Variants in UNC5C observed in about 807,000 individuals in gnomAD.
The protein encoded by UNC5C is unc-5 netrin receptor C.
UNC5C carries 47 observed loss-of-function variants against 99.8 expected under a neutral mutation model. The observed-to-expected ratio is 0.47, with a 90% CI of 0.37 to 0.60. The LOEUF (loss-of-function observed/expected upper bound fraction) is 0.60, where lower values mean the gene tolerates loss of function less well. UNC5C is among the 20% of genes least tolerant of loss of function. The pLI is 0.00. For missense variants in UNC5C, 1,062 were observed against 1,165.9 expected (o/e 0.91, Z 1.30); for synonymous variants, 487 against 452.2 (o/e 1.08, Z -0.98).
intron 1 of UNC5C, among the ~76,000 whole-genome samples, chr4:95,397,889 C>T (rs1246259091): frequency 6.6e-6 from 1 of 152,082 alleles, no homozygotes; most frequent in African/African-American, 2.4e-5. Context: ...TTCTTTAAAA[C>T]TCATCTATAT....
intron 10 of UNC5C, among the ~76,000 whole-genome samples, chr4:95,208,290 A>C (rs1737951970): frequency 6.6e-6 from 1 of 152,226 alleles, no homozygotes; most frequent in Non-Finnish European, 1.5e-5. Context: ...TAGTATGGTT[A>C]AGCATTTCCT....
At chr4:95,484,636 C>T (rs1358845656) in intron 1 of UNC5C, among the ~76,000 whole-genome samples, 1 of 151,804 alleles carries the variant, frequency 6.6e-6, no homozygotes, top group Non-Finnish European at 1.5e-5. Flanking sequence ...ATAAGAAGCT[C>T]CTCTAGTATC....
intron 2 of UNC5C, among the ~76,000 whole-genome samples, chr4:95,324,832 G>A (rs985754880): frequency 1.3e-5 from 2 of 152,110 alleles, no homozygotes; most frequent in African/African-American, 4.8e-5. Flanking sequence ...TGAATCTGCT[G>A]GATCTTGGAT....
At chr4:95,355,800 A>T (rs1434453324) in intron 1 of UNC5C, among the ~76,000 whole-genome samples, 2 of 152,138 alleles carry the variant, frequency 1.3e-5, no homozygotes, top group Non-Finnish European at 2.9e-5. Context: ...GAGATTCCTA[A>T]AACTATGTTT....
At chr4:95,177,285 G>A (rs1299015445) in intron 14 of UNC5C, among the ~76,000 whole-genome samples, 1 of 152,148 alleles carries the variant, frequency 6.6e-6, no homozygotes, top group African/African-American at 2.4e-5. Flanking sequence ...TAACTTGTTG[G>A]TGTTCCTCAC....
At chr4:95,261,618 A>T (rs747485500) in intron 4 of UNC5C, among the ~76,000 whole-genome samples, 6 of 152,190 alleles carry the variant, frequency 3.9e-5, no homozygotes, top group Non-Finnish European at 5.9e-5. Flanking sequence ...GGATTCAAGT[A>T]TCCAGCACTA....
intron 1 of UNC5C, among the ~76,000 whole-genome samples, chr4:95,507,210 T>G (rs1217286852): frequency 1.2e-4 from 19 of 152,026 alleles, no homozygotes; most frequent in Admixed American, 3.9e-4. Flanking sequence ...TTTAATATAA[T>G]ATCATACCAA....
intron 1 of UNC5C, among the ~76,000 whole-genome samples, chr4:95,512,983 G>T (rs1009566755): frequency 9.9e-5 from 15 of 152,006 alleles, no homozygotes; most frequent in Admixed American, 6.6e-5. Flanking sequence ...GTGCATTACC[G>T]CCTGCAAAGA....
chr4:95,457,362 G>A lies in UNC5C; in HGVS notation c.124+91372C>T, dbSNP rs1033012284. Among the ~76,000 whole-genome samples, 3 of 151,990 alleles carry A rather than the reference G, an allele frequency of 2.0e-5. No individual in the cohort carries two copies. In the East Asian group the frequency reaches 5.8e-4, roughly 29 times the overall value. On this transcript the variant is annotated intron_variant, in intron 1 of 15. Transcript: ENST00000453304. ...TTAAAAGCATGTTTCTTGAAAAAAA[G>A]AAAACAAACATGAACATTAACCCCT...
intron 4 of UNC5C, among the ~76,000 whole-genome samples, chr4:95,264,733 T>C (rs993230496): frequency 6.6e-6 from 1 of 152,170 alleles, no homozygotes; most frequent in African/African-American, 2.4e-5. Context: ...ATCCCCACTC[T>C]ACTCAAACTT....
At chr4:95,229,790 T>C (rs1738837365) in intron 7 of UNC5C, among the ~76,000 whole-genome samples, 1 of 148,220 alleles carries the variant, frequency 6.7e-6, no homozygotes, top group Non-Finnish European at 1.5e-5. Flanking sequence ...CCAGAATCTG[T>C]TGTTTCCTTT....
intron 1 of UNC5C, among the ~76,000 whole-genome samples, chr4:95,533,066 A>C (rs1722694217): frequency 6.6e-6 from 1 of 152,142 alleles, no homozygotes; most frequent in African/African-American, 2.4e-5. Context: ...CATATTTTTA[A>C]AAATATTTAG....
chr4:95,215,452 CA>C (rs1177993988), intron 10 of UNC5C, among the ~76,000 whole-genome samples: 1 of 152,134 alleles, frequency 6.6e-6, no homozygotes, highest in Non-Finnish European at 1.5e-5. Flanking sequence ...TGTTAGAGGC[CA>C]AACTGAAAAT....
chr4:95,343,353 G>A (rs375134108), intron 1 of UNC5C, among the ~76,000 whole-genome samples: 3 of 152,070 alleles, frequency 2.0e-5, no homozygotes, highest in Non-Finnish European at 4.4e-5. Flanking sequence ...GAAAGTAAGG[G>A]AAGAGACCAA....
At chr4:95,420,727 C>T (rs184180493) in intron 1 of UNC5C, among the ~76,000 whole-genome samples, 204 of 152,190 alleles carry the variant, frequency 1.3e-3, no homozygotes, top group African/African-American at 4.3e-3. Context: ...TGGCTGAATA[C>T]ACCATCACTG....
chr4:95,322,767 C>T (rs1238741161), intron 2 of UNC5C, among the ~76,000 whole-genome samples: 9 of 151,496 alleles, frequency 5.9e-5, no homozygotes, highest in Non-Finnish European at 1.2e-4. Flanking sequence ...AGTGAAATGC[C>T]GTCCCTACCA....
At chr4:95,200,516 G>GGAT (rs1197723053) in intron 12 of UNC5C, among the ~76,000 whole-genome samples, 2 of 152,102 alleles carry the variant, frequency 1.3e-5, no homozygotes, top group African/African-American at 2.4e-5. Flanking sequence ...TCTGTGCCTT[G>GGAT]GATGATACAT....
chr4:95,376,202 T>C (rs527734488), intron 1 of UNC5C, among the ~76,000 whole-genome samples: 2 of 145,460 alleles, frequency 1.4e-5, no homozygotes, highest in African/African-American at 5.2e-5. Flanking sequence ...TATGTATGAA[T>C]ACATACATAT....
chr4:95,269,736 G>A (rs376413418), intron 4 of UNC5C, among the ~76,000 whole-genome samples: 12 of 150,968 alleles, frequency 7.9e-5, no homozygotes, highest in East Asian at 5.8e-4. Flanking sequence ...AAATGAGACC[G>A]AGTTTCACTC....
Sources: gnomAD v4.1 joint callset for allele counts (sites outside exome capture counted in the v4.1 genomes callset) on GRCh38, gnomAD v4.1.1 for gene constraint, MANE v1.5 for transcripts, NCBI Gene and HGNC (gene_info 2026-07-23, HGNC 2026-07-21) for gene names.